Variants in C1orf87 observed in about 807,000 individuals in gnomAD.
C1orf87 encodes chromosome 1 open reading frame 87, also known as uncharacterized protein C1orf87.
Under a neutral mutation model 60.5 loss-of-function variants are expected in C1orf87, and 58 were observed. That is an observed-to-expected ratio of 0.96 (90% confidence interval 0.78 to 1.19). The LOEUF is 1.19. C1orf87 is among the 50% of genes most tolerant of loss of function. The probability of loss-of-function intolerance (pLI) is 0.00; values close to 1 mark genes in which losing one functional copy is unlikely to be tolerated. For synonymous variants in C1orf87, 236 were observed against 227.4 expected (o/e 1.04, Z -0.34); for missense variants, 673 against 638.6 (o/e 1.05, Z -0.58).
At chr1:60,033,242 A>C (rs1645251878) in intron 7 of C1orf87, among the ~76,000 whole-genome samples, 1 of 152,226 alleles carries the variant, frequency 6.6e-6, no homozygotes, top group Non-Finnish European at 1.5e-5. Context: ...CATATTCTCT[A>C]TTATTAACAT....
intron 5 of C1orf87, 144 bp from the exon 6 acceptor site, chr1:60,038,251 C>A: frequency 2.0e-6 from 1 of 499,328 alleles, no homozygotes; most frequent in Non-Finnish European, 3.6e-6. Flanking sequence ...ATTATTGGTG[C>A]TTTTTAGCAA....
At chr1:60,051,940 C>T (rs1446224267) in intron 3 of C1orf87, among the ~76,000 whole-genome samples, 1 of 152,172 alleles carries the variant, frequency 6.6e-6, no homozygotes, top group Non-Finnish European at 1.5e-5. Flanking sequence ...CTGTGAGACA[C>T]AGACCACCAG....
chr1:60,071,014 A>G (rs942805082), intron 2 of C1orf87, among the ~76,000 whole-genome samples: 12 of 152,168 alleles, frequency 7.9e-5, no homozygotes, highest in Non-Finnish European at 1.3e-4. Context: ...CAGGTGTCCA[A>G]ACTAATTCTA....
At chr1:60,072,515 T>C (rs1285451710) in intron 2 of C1orf87, 22 bp downstream of exon 2, 2 of 1,523,316 alleles carry the variant, frequency 1.3e-6, no homozygotes, top group Admixed American at 1.8e-5. Flanking sequence ...GCAACATAGA[T>C]ATTTTTCAAA....
intron 8 of C1orf87, among the ~76,000 whole-genome samples, chr1:60,013,726 T>C (rs1401946402): frequency 1.3e-5 from 2 of 151,882 alleles, no homozygotes; most frequent in African/African-American, 4.8e-5. Flanking sequence ...TGAGTATCTA[T>C]TCACATTCAG....
chr1:59,999,131 T>A (rs1380331403), intron 10 of C1orf87, among the ~76,000 whole-genome samples: 1 of 152,112 alleles, frequency 6.6e-6, no homozygotes, highest in Non-Finnish European at 1.5e-5. Flanking sequence ...CCTAAAGAAT[T>A]GTAAGTGCAA....
At chr1:59,992,919 C>A (rs1248665707) in intron 11 of C1orf87, among the ~76,000 whole-genome samples, 1 of 152,202 alleles carries the variant, frequency 6.6e-6, no homozygotes, top group Non-Finnish European at 1.5e-5. Context: ...GTGGTCCTTT[C>A]ATTTATGTAA....
intron 9 of C1orf87, among the ~76,000 whole-genome samples, chr1:60,007,633 T>A (rs547610460): frequency 6.6e-6 from 1 of 152,092 alleles, no homozygotes; most frequent in South Asian, 2.1e-4. Flanking sequence ...CAAGTAAGAG[T>A]CTTCGAACAA....
intron 5 of C1orf87, among the ~76,000 whole-genome samples, chr1:60,039,363 G>A (rs1645301535): frequency 6.6e-6 from 1 of 152,194 alleles, no homozygotes; most frequent in South Asian, 2.1e-4. Flanking sequence ...ATAGGTATGA[G>A]CTTGGAAAAT....
chr1:59,992,540 C>A (rs965050827), intron 11 of C1orf87, among the ~76,000 whole-genome samples: 4 of 152,142 alleles, frequency 2.6e-5, no homozygotes, highest in African/African-American at 9.7e-5. Flanking sequence ...TAGGCATGTG[C>A]CACTGTGCCT....
intron 6 of C1orf87, among the ~76,000 whole-genome samples, chr1:60,034,766 C>G (rs1439769527): frequency 6.6e-6 from 1 of 152,104 alleles, no homozygotes; most frequent in African/African-American, 2.4e-5. Flanking sequence ...GCAGTCACAT[C>G]TCTATTTCCT....
At chr1:60,033,685 C>T (rs1204732884) in intron 6 of C1orf87, 44 bp from the exon 7 acceptor site, 1 of 1,578,078 alleles carries the variant, frequency 6.3e-7, no homozygotes, top group Non-Finnish European at 8.6e-7. Flanking sequence ...AGGTTATCCA[C>T]CCAAGGCAGC....
At chr1:60,004,619 C>T (rs551779432) in intron 9 of C1orf87, among the ~76,000 whole-genome samples, 1 of 152,078 alleles carries the variant, frequency 6.6e-6, no homozygotes, top group Admixed American at 6.6e-5. Context: ...TACCTAACAG[C>T]ATATAAAAAG....
intron 2 of C1orf87, among the ~76,000 whole-genome samples, chr1:60,064,595 A>C (rs1346937857): frequency 9.1e-6 from 1 of 110,024 alleles, no homozygotes; most frequent in Middle Eastern, 5.8e-3. Flanking sequence ...TATATAATAT[A>C]TATATGTCCT....
At chr1:60,026,752 A>G (rs980354345) in intron 7 of C1orf87, among the ~76,000 whole-genome samples, 1 of 152,222 alleles carries the variant, frequency 6.6e-6, no homozygotes, top group African/African-American at 2.4e-5. Context: ...AAACATAACT[A>G]CAGTTGAGCA....
intron 8 of C1orf87, among the ~76,000 whole-genome samples, chr1:60,015,098 C>T (rs140837071): frequency 7.2e-4 from 109 of 152,260 alleles, no homozygotes; most frequent in African/African-American, 2.4e-3. Context: ...GGCTGTGTTA[C>T]GGTCTAAATG....
intron 3 of C1orf87, among the ~76,000 whole-genome samples, chr1:60,043,573 G>A (rs1475394118): frequency 6.6e-6 from 1 of 152,028 alleles, no homozygotes; most frequent in East Asian, 1.9e-4. Context: ...TTTTAGTAGA[G>A]ATGGGATTTC....
At position 60,029,408 on chromosome 1, in the gene C1orf87, T is replaced by C. The variant is rs117960516; in HGVS notation, c.1030-3910A>G. On this transcript the variant is annotated intron_variant, in intron 7 of 11. Transcript: ENST00000371201. ...AATGCTTTTTTTTCCCATTTGAATCTGATCATATCATTCACTTGTTTAATA... is the reference window on the plus strand; with the variant it reads ...AATGCTTTTTTTTCCCATTTGAATCCGATCATATCATTCACTTGTTTAATA... Among the ~76,000 whole-genome samples the C allele has an allele frequency of 1.6e-4, 24 of 152,324 alleles. No homozygotes were observed. The East Asian group carries it at 3.5e-3, about 22-fold the overall frequency.
intron 2 of C1orf87, among the ~76,000 whole-genome samples, chr1:60,069,262 T>G (rs150423136): frequency 1.6e-4 from 24 of 152,272 alleles, no homozygotes; most frequent in Non-Finnish European, 2.8e-4. Context: ...CAAACTGGAA[T>G]GTGTGGAGGA....
Sources: gnomAD v4.1 joint callset for allele counts (sites outside exome capture counted in the v4.1 genomes callset) on GRCh38, gnomAD v4.1.1 for gene constraint, MANE v1.5 for transcripts, NCBI Gene and HGNC (gene_info 2026-07-23, HGNC 2026-07-21) for gene names.